Variants in VAV3 observed in about 807,000 individuals in gnomAD.
VAV3 encodes the protein guanine nucleotide exchange factor VAV3.
In VAV3, 94 loss-of-function variants were observed where a neutral mutation model predicts 131.2. The ratio of observed to expected loss-of-function variants is 0.72; its 90% CI spans 0.61 to 0.85. The LOEUF (loss-of-function observed/expected upper bound fraction) is 0.85. Ranked by LOEUF, VAV3 falls within the 40% of genes least tolerant of loss-of-function variation. The probability of loss-of-function intolerance (pLI) is 0.00; values close to 1 mark genes in which losing one functional copy is unlikely to be tolerated. For synonymous variants in VAV3, 349 were observed against 342.0 expected, an observed-to-expected ratio of 1.02 and a Z score of -0.22; for missense variants, 939 against 1,002.7, an observed-to-expected ratio of 0.94 and a Z score of 0.86.
chr1:107,882,730 G>A (rs1047740611), intron 1 of VAV3, among the ~76,000 whole-genome samples: 14 of 152,020 alleles, frequency 9.2e-5, no homozygotes, highest in African/African-American at 3.4e-4. Flanking sequence ...GACCTTATTT[G>A]TCCTTTTCCC....
intron 19 of VAV3, among the ~76,000 whole-genome samples, chr1:107,682,532 A>C (rs1233602504): frequency 1.3e-5 from 2 of 152,024 alleles, no homozygotes; most frequent in Non-Finnish European, 2.9e-5. Context: ...TCTGTAGTTA[A>C]AAGATTTAAA....
At chr1:107,806,806 T>A (rs1303098518) in intron 2 of VAV3, among the ~76,000 whole-genome samples, 4 of 152,176 alleles carry the variant, frequency 2.6e-5, no homozygotes, top group African/African-American at 9.6e-5. Context: ...ATGGAGGATT[T>A]GTTCCAGTAC....
At chr1:107,619,576 G>C (rs1359498606) in intron 20 of VAV3, among the ~76,000 whole-genome samples, 5 of 152,206 alleles carry the variant, frequency 3.3e-5, no homozygotes, top group African/African-American at 4.8e-5. Context: ...AAGCTCAGAA[G>C]AGAAAAGAAT....
At chr1:107,958,920 A>T (rs1205580301) in intron 1 of VAV3, among the ~76,000 whole-genome samples, 4 of 152,194 alleles carry the variant, frequency 2.6e-5, no homozygotes, top group African/African-American at 9.7e-5. Context: ...GTCCATCTAA[A>T]GAGCTCTTTC....
intron 11 of VAV3, among the ~76,000 whole-genome samples, 169 bp downstream of exon 11, chr1:107,757,092 G>C (rs568817169): frequency 1.3e-5 from 2 of 150,816 alleles, no homozygotes; most frequent in South Asian, 2.1e-4. Flanking sequence ...TTATACATAG[G>C]CATGTCATAA....
chr1:107,583,415 T>A, intron 25 of VAV3, among the ~76,000 whole-genome samples: 1 of 152,210 alleles, frequency 6.6e-6, no homozygotes, highest in East Asian at 1.9e-4. Flanking sequence ...CCAGGGCAAT[T>A]AGGCAGGAGA....
At chr1:107,888,579 C>T (rs1294174614) in intron 1 of VAV3, among the ~76,000 whole-genome samples, 3 of 152,204 alleles carry the variant, frequency 2.0e-5, no homozygotes, top group African/African-American at 7.2e-5. Context: ...CTGCCTCAGA[C>T]TCCCAAGTAG....
chr1:107,596,171 T>C, intron 25 of VAV3, 41 bp downstream of exon 25: 1 of 1,594,926 alleles, frequency 6.3e-7, no homozygotes, highest in Non-Finnish European at 8.5e-7. Flanking sequence ...GCCCCTAATT[T>C]TTAAGTGACA....
intron 1 of VAV3, among the ~76,000 whole-genome samples, chr1:107,893,239 A>C: frequency 6.6e-6 from 1 of 152,200 alleles, no homozygotes; most frequent in East Asian, 1.9e-4. Context: ...AATTATTTCT[A>C]TAAATACTTT....
intron 12 of VAV3, among the ~76,000 whole-genome samples, chr1:107,752,322 A>G (rs1411107780): frequency 6.6e-6 from 1 of 152,244 alleles, no homozygotes; most frequent in Non-Finnish European, 1.5e-5. Flanking sequence ...ATTACCTTAC[A>G]CCATAAATAA....
intron 2 of VAV3, among the ~76,000 whole-genome samples, chr1:107,801,994 ATGGAGT>A (rs1474610277): frequency 1.3e-5 from 2 of 151,940 alleles, no homozygotes; most frequent in African/African-American, 4.8e-5. Context: ...TGTGCAGAAC[ATGGAGT>A]TTTGTTACAT....
At chr1:107,721,059 G>A (rs1026665414) in intron 15 of VAV3, among the ~76,000 whole-genome samples, 1 of 152,184 alleles carries the variant, frequency 6.6e-6, no homozygotes, top group Admixed American at 6.5e-5. Context: ...GGCTTGATAT[G>A]GGTGAACAGA....
intron 1 of VAV3, among the ~76,000 whole-genome samples, chr1:107,922,397 A>C (rs895241260): frequency 2.6e-5 from 4 of 152,224 alleles, no homozygotes; most frequent in Non-Finnish European, 4.4e-5. Context: ...ATTATCTAAC[A>C]GAAATAGCAA....
At chr1:107,663,827 C>A (rs916676855) in intron 19 of VAV3, among the ~76,000 whole-genome samples, 4 of 152,074 alleles carry the variant, frequency 2.6e-5, no homozygotes, top group African/African-American at 9.7e-5. Flanking sequence ...ATATTAGAGA[C>A]AAATGATTTT....
chr1:107,917,159 G>A (rs1446777413), intron 1 of VAV3, among the ~76,000 whole-genome samples: 2 of 152,140 alleles, frequency 1.3e-5, no homozygotes, highest in Non-Finnish European at 2.9e-5. Flanking sequence ...GCATGGGCCA[G>A]AGCAGAGGCC....
intron 25 of VAV3, among the ~76,000 whole-genome samples, chr1:107,575,679 T>C (rs568173207): frequency 1.5e-3 from 235 of 152,312 alleles, no homozygotes; most frequent in Non-Finnish European, 2.9e-3. Flanking sequence ...TGACCTTGCA[T>C]AGGTCTCCTA....
chr1:107,611,631 G>C (rs1652742333), intron 21 of VAV3, among the ~76,000 whole-genome samples: 1 of 150,470 alleles, frequency 6.6e-6, no homozygotes, highest in Admixed American at 6.6e-5. Flanking sequence ...CAAAAAAAAG[G>C]AGACAGGAAG....
intron 2 of VAV3, among the ~76,000 whole-genome samples, chr1:107,781,856 A>C (rs1034814180): frequency 6.6e-6 from 1 of 152,252 alleles, no homozygotes; most frequent in African/African-American, 2.4e-5. Context: ...GTGAGTTTGT[A>C]AACTCAGAAG....
At chr1:107,818,024 G>A (rs1667635482) in intron 2 of VAV3, among the ~76,000 whole-genome samples, 1 of 152,166 alleles carries the variant, frequency 6.6e-6, no homozygotes, top group South Asian at 2.1e-4. Flanking sequence ...ACACCAGGGA[G>A]CACACTTGTC....
Sources: gnomAD v4.1 joint callset for allele counts (sites outside exome capture counted in the v4.1 genomes callset) on GRCh38, gnomAD v4.1.1 for gene constraint, MANE v1.5 for transcripts, NCBI Gene and HGNC (gene_info 2026-07-23, HGNC 2026-07-21) for gene names.